Variants in LUZP2 observed in about 807,000 individuals in gnomAD.
LUZP2 encodes the protein leucine zipper protein 2.
LUZP2 carries 52 observed loss-of-function variants against 51.6 expected under a neutral mutation model. That is an observed-to-expected ratio of 1.01 (90% CI 0.81 to 1.27). The LOEUF is 1.27. Among genes scored for constraint, LUZP2 ranks in the 50% most tolerant of loss-of-function variants. The probability of loss-of-function intolerance (pLI) is 0.00; values close to 1 mark genes in which losing one functional copy is unlikely to be tolerated. For missense variants in LUZP2, 436 were observed against 395.4 expected (o/e 1.10, Z -0.87); for synonymous variants, 154 against 137.3 (o/e 1.12, Z -0.85).
At chr11:24,639,592 C>G (rs577407821) in intron 1 of LUZP2, among the ~76,000 whole-genome samples, 7 of 151,674 alleles carry the variant, frequency 4.6e-5, no homozygotes, top group Admixed American at 4.6e-4. Context: ...GATGGAATTA[C>G]AGGTGCCCGC....
chr11:24,984,369 T>G (rs892640432), intron 9 of LUZP2, among the ~76,000 whole-genome samples: 45 of 151,108 alleles, frequency 3.0e-4, no homozygotes, highest in African/African-American at 1.0e-3. Context: ...TGATATACTG[T>G]TTTTATGTGT....
chr11:24,628,454 G>C (rs1854760820), intron 1 of LUZP2, among the ~76,000 whole-genome samples: 2 of 152,120 alleles, frequency 1.3e-5, no homozygotes, highest in South Asian at 4.1e-4. Flanking sequence ...TAATCCTTAA[G>C]ATGCTTTTTT....
intron 3 of LUZP2, among the ~76,000 whole-genome samples, chr11:24,736,041 C>G (rs1265563029): frequency 6.6e-6 from 1 of 151,960 alleles, no homozygotes; most frequent in Non-Finnish European, 1.5e-5. Context: ...TCTACTTTAC[C>G]TTTCTGCCTG....
At chr11:24,985,414 G>A (rs778538272) in intron 9 of LUZP2, among the ~76,000 whole-genome samples, 5 of 151,264 alleles carry the variant, frequency 3.3e-5, no homozygotes, top group Non-Finnish European at 4.4e-5. Context: ...ATATTCTTTC[G>A]AATATATAAA....
intron 1 of LUZP2, among the ~76,000 whole-genome samples, chr11:24,643,287 C>T (rs926508007): frequency 3.4e-4 from 48 of 142,246 alleles, no homozygotes; most frequent in Non-Finnish European, 6.4e-4. Flanking sequence ...ATTAGCTGGG[C>T]GTGGTGGTGC....
intron 5 of LUZP2, among the ~76,000 whole-genome samples, chr11:24,766,145 G>T (rs914275650): frequency 1.1e-4 from 17 of 151,962 alleles, no homozygotes; most frequent in African/African-American, 4.1e-4. Context: ...CCTCTGAATT[G>T]TACTGTTATG....
At chr11:24,952,901 G>A (rs960281084) in intron 7 of LUZP2, among the ~76,000 whole-genome samples, 4 of 151,672 alleles carry the variant, frequency 2.6e-5, no homozygotes, top group Admixed American at 2.6e-4. Context: ...GAGCTCTTTG[G>A]CCCATCTCTG....
rs529785604 is a variant in LUZP2 at position 24,856,640 on chromosome 11, A to G, written c.397-49351A>G. Among the ~76,000 whole-genome samples, 9 of 152,240 alleles carry G rather than the reference A, an allele frequency of 5.9e-5. No homozygotes were observed. The East Asian group carries it at 9.6e-4, about 16-fold the overall frequency. On this transcript the variant is annotated intron_variant, in intron 5 of 11. Coordinates refer to ENST00000336930, the MANE Select transcript of LUZP2 (RefSeq NM_001009909.4). ...ATACTTGTACTTGTATGTTTATCAC[A>G]GTACTATTCACAATAGCAAAGATAT...
At chr11:24,897,525 AG>A (rs1220389870) in intron 5 of LUZP2, among the ~76,000 whole-genome samples, 1 of 152,088 alleles carries the variant, frequency 6.6e-6, no homozygotes, top group Non-Finnish European at 1.5e-5. Flanking sequence ...CGCTGCATTA[AG>A]AGCTGTAACA....
intron 1 of LUZP2, among the ~76,000 whole-genome samples, chr11:24,691,745 A>C (rs1187937055): frequency 6.6e-6 from 1 of 151,976 alleles, no homozygotes; most frequent in African/African-American, 2.4e-5. Flanking sequence ...AACTTGTATA[A>C]CTTTGGAAAA....
intron 1 of LUZP2, among the ~76,000 whole-genome samples, chr11:24,550,608 G>T (rs1288956678): frequency 6.6e-6 from 1 of 152,084 alleles, no homozygotes; most frequent in Middle Eastern, 3.4e-3. Context: ...CTTTCTAATG[G>T]GTTAAAACAG....
At chr11:25,076,013 T>TCA (rs1859287624) in intron 10 of LUZP2, among the ~76,000 whole-genome samples, 1 of 151,474 alleles carries the variant, frequency 6.6e-6, no homozygotes, top group African/African-American at 2.4e-5. Flanking sequence ...AATATAATAA[T>TCA]TATATATATT....
intron 5 of LUZP2, among the ~76,000 whole-genome samples, chr11:24,833,712 G>GCGCGCACACACACA (rs112834221): frequency 6.8e-6 from 1 of 147,132 alleles, no homozygotes; most frequent in African/African-American, 2.5e-5. Flanking sequence ...CCGCGCGCGC[G>GCGCGCACACACACA]CACACACACA....
At chr11:24,757,629 G>A (rs1189295305) in intron 4 of LUZP2, among the ~76,000 whole-genome samples, 1 of 151,694 alleles carries the variant, frequency 6.6e-6, no homozygotes, top group African/African-American at 2.4e-5. Context: ...AATAAACTAT[G>A]AAAGAAACAA....
intron 1 of LUZP2, among the ~76,000 whole-genome samples, chr11:24,720,625 C>T (rs1858229101): frequency 1.3e-5 from 2 of 152,174 alleles, no homozygotes; most frequent in African/African-American, 4.8e-5. Flanking sequence ...ATTTTTCAAG[C>T]TCATGTTGGG....
In LUZP2 at chr11:24,590,582, T is replaced by C. The variant is rs988803207; in HGVS notation, c.62+93277T>C. Among the ~76,000 whole-genome samples, 3 of 152,314 alleles carry C rather than the reference T, an allele frequency of 2.0e-5. No homozygotes were observed. The Middle Eastern group carries it at 0.01, about 518-fold the overall frequency. On this transcript the variant is annotated intron_variant, in intron 1 of 11. Coordinates refer to ENST00000336930, the MANE Select transcript of LUZP2 (RefSeq NM_001009909.4). ...ATAATGACTAATAATTTTTTACTAA[T>C]CTGTAAAGATTTGTCCTCTTTTGCT... is the stretch of plus-strand genomic sequence containing the variant.
chr11:24,774,362 C>A (rs1599818), intron 5 of LUZP2, among the ~76,000 whole-genome samples: 1,414 of 76,274 alleles, frequency 0.019, 58 homozygotes, highest in African/African-American at 0.073. Flanking sequence ...CTCTCTCTCT[C>A]TATATATATA....
chr11:24,819,258 G>C (rs921468545), intron 5 of LUZP2, among the ~76,000 whole-genome samples: 1 of 151,996 alleles, frequency 6.6e-6, no homozygotes, highest in African/African-American at 2.4e-5. Context: ...TTAGACAAGT[G>C]GTAGGAACCA....
intron 9 of LUZP2, among the ~76,000 whole-genome samples, chr11:25,026,193 A>T (rs1183015921): frequency 1.3e-5 from 2 of 152,038 alleles, no homozygotes; most frequent in Non-Finnish European, 2.9e-5. Context: ...CCTAATGTAC[A>T]TAATGAGTTA....
Sources: gnomAD v4.1 joint callset for allele counts (sites outside exome capture counted in the v4.1 genomes callset) on GRCh38, gnomAD v4.1.1 for gene constraint, MANE v1.5 for transcripts, NCBI Gene and HGNC (gene_info 2026-07-23, HGNC 2026-07-21) for gene names.